Variants in AFF3 observed in about 807,000 individuals in gnomAD.
AFF3 encodes the protein AF4/FMR2 family member 3.
In AFF3, 32 loss-of-function variants were observed where a neutral mutation model predicts 129.7. That is an observed-to-expected ratio of 0.25 (90% confidence interval 0.19 to 0.33). The LOEUF is 0.33. Among genes scored for constraint, AFF3 ranks in the 10% least tolerant of loss-of-function variants. The probability of loss-of-function intolerance (pLI) is 1.00; values close to 1 mark genes in which losing one functional copy is unlikely to be tolerated. For missense variants in AFF3, 1,373 were observed against 1,592.0 expected, an observed-to-expected ratio of 0.86 and a Z score of 2.34; for synonymous variants, 644 against 635.4, an observed-to-expected ratio of 1.01 and a Z score of -0.20.
intron 8 of AFF3, among the ~76,000 whole-genome samples, chr2:99,786,009 A>G (rs1278010150): frequency 6.6e-6 from 1 of 152,206 alleles, no homozygotes; most frequent in Non-Finnish European, 1.5e-5. Context: ...TTGACCTCCC[A>G]AAGTGCTTTA....
chr2:99,969,755 G>T (rs1678170009), intron 7 of AFF3, among the ~76,000 whole-genome samples: 1 of 152,062 alleles, frequency 6.6e-6, no homozygotes, highest in African/African-American at 2.4e-5. Context: ...CACCCGCCTT[G>T]GCCTCCTGAA....
chr2:99,669,746 G>A (rs1686987968), intron 12 of AFF3, among the ~76,000 whole-genome samples: 1 of 152,124 alleles, frequency 6.6e-6, no homozygotes, highest in African/African-American at 2.4e-5. Context: ...GAGGCGGGTG[G>A]ATCACTTGAG....
chr2:99,667,005 AGTCC>A (rs1160172793), intron 12 of AFF3, among the ~76,000 whole-genome samples: 1 of 152,214 alleles, frequency 6.6e-6, no homozygotes, highest in Non-Finnish European at 1.5e-5. Context: ...TGAGACAGAA[AGTCC>A]AGAAAAGATA....
chr2:99,812,139 T>C (rs1038167602), intron 8 of AFF3, among the ~76,000 whole-genome samples: 5 of 152,162 alleles, frequency 3.3e-5, no homozygotes, highest in Admixed American at 6.5e-5. Flanking sequence ...TGATGATTAG[T>C]GTAAGGTGGC....
chr2:99,879,364 G>T (rs951651904), intron 7 of AFF3, among the ~76,000 whole-genome samples: 1 of 152,114 alleles, frequency 6.6e-6, no homozygotes, highest in African/African-American at 2.4e-5. Context: ...GACCATGTTT[G>T]TATCTTCTGG....
intron 4 of AFF3, among the ~76,000 whole-genome samples, chr2:100,046,498 TG>T (rs1685847481): frequency 6.6e-6 from 1 of 152,218 alleles, no homozygotes. Flanking sequence ...ACTGTTGGAC[TG>T]GGCTGCAGTT....
At chr2:100,073,191 T>C (rs1380389407) in intron 4 of AFF3, among the ~76,000 whole-genome samples, 2 of 152,174 alleles carry the variant, frequency 1.3e-5, no homozygotes, top group Non-Finnish European at 2.9e-5. Flanking sequence ...TATTTGAAAA[T>C]GAGGTTGTTG....
At chr2:99,954,398 A>T (rs1338213823) in intron 7 of AFF3, among the ~76,000 whole-genome samples, 2 of 152,172 alleles carry the variant, frequency 1.3e-5, no homozygotes, top group East Asian at 1.9e-4. Flanking sequence ...CATTTGACCC[A>T]GCCATCCCAT....
intron 11 of AFF3, among the ~76,000 whole-genome samples, chr2:99,721,736 A>G (rs1380397898): frequency 2.0e-5 from 3 of 152,094 alleles, no homozygotes; most frequent in African/African-American, 7.2e-5. Context: ...AGTTTCCCAT[A>G]ATGTTCCACG....
chr2:99,680,793 C>T (rs575214960), intron 11 of AFF3, among the ~76,000 whole-genome samples: 2 of 152,216 alleles, frequency 1.3e-5, no homozygotes, highest in South Asian at 4.1e-4. Flanking sequence ...AAGTTAATTG[C>T]TAAAAGAGTC....
chr2:99,553,918 C>CAAAAA (rs61326965), intron 24 of AFF3, among the ~76,000 whole-genome samples: 127 of 56,734 alleles, frequency 2.2e-3, no homozygotes, highest in South Asian at 3.7e-3. Context: ...TGTCTCAAAC[C>CAAAAA]AAAAAAAAAA....
chr2:99,734,280 T>A (rs1274561997), intron 10 of AFF3, among the ~76,000 whole-genome samples: 1 of 151,946 alleles, frequency 6.6e-6, no homozygotes, highest in Admixed American at 6.5e-5. Flanking sequence ...TTCTTATTAA[T>A]CCTAATAATC....
At chr2:99,778,031 T>C (rs1558840952) in intron 8 of AFF3, among the ~76,000 whole-genome samples, 1 of 149,944 alleles carries the variant, frequency 6.7e-6, no homozygotes, top group East Asian at 2.0e-4. Flanking sequence ...CATGTCCATA[T>C]GGCTGGGCTC....
intron 8 of AFF3, among the ~76,000 whole-genome samples, chr2:99,777,397 C>T (rs543115775): frequency 1.1e-3 from 172 of 152,262 alleles, no homozygotes; most frequent in African/African-American, 3.4e-3. Flanking sequence ...CAGTGGCTGG[C>T]GCAACTCTGA....
rs111419917 is a variant in AFF3, at chr2:100,085,303, C to T, written c.53+19099G>A. On this transcript the variant is annotated intron_variant, in intron 4 of 24. Coordinates refer to ENST00000672756, the MANE Select transcript of AFF3 (RefSeq NM_001386135.1). Reference sequence around the variant, plus strand: ...AGCCCCTTGCTGTCCAAGAGAGTCACGTGACGTAAAACATCTTCCTCATCA... The same window carrying T: ...AGCCCCTTGCTGTCCAAGAGAGTCATGTGACGTAAAACATCTTCCTCATCA... Among the ~76,000 whole-genome samples the T allele has an allele frequency of 3.4e-3, 507 of 147,000 alleles. 5 individuals are homozygous for T. The highest frequency in any genetic ancestry group is 0.012 in the African/African-American group (480 of 39,690).
At chr2:99,625,246 A>T (rs551821601) in intron 13 of AFF3, among the ~76,000 whole-genome samples, 1 of 152,364 alleles carries the variant, frequency 6.6e-6, no homozygotes, top group African/African-American at 2.4e-5. Flanking sequence ...CAATCAAAAT[A>T]TCGTTTGCGT....
intron 4 of AFF3, among the ~76,000 whole-genome samples, chr2:100,049,888 G>C (rs963356877): frequency 6.6e-6 from 1 of 152,108 alleles, no homozygotes; most frequent in Non-Finnish European, 1.5e-5. Context: ...CTGAATGTAA[G>C]CTTTCTAGCA....
intron 13 of AFF3, among the ~76,000 whole-genome samples, chr2:99,628,491 C>T (rs979452687): frequency 2.0e-5 from 3 of 152,002 alleles, no homozygotes; most frequent in Admixed American, 6.6e-5. Flanking sequence ...GATACAGGAT[C>T]GTGTCATCTG....
intron 13 of AFF3, among the ~76,000 whole-genome samples, chr2:99,645,843 G>A (rs1427968577): frequency 6.6e-6 from 1 of 152,152 alleles, no homozygotes; most frequent in African/African-American, 2.4e-5. Context: ...TTGGATTTGT[G>A]CTGAAATGCC....
Sources: gnomAD v4.1 joint callset for allele counts (sites outside exome capture counted in the v4.1 genomes callset) on GRCh38, gnomAD v4.1.1 for gene constraint, MANE v1.5 for transcripts, NCBI Gene and HGNC (gene_info 2026-07-23, HGNC 2026-07-21) for gene names.